The following DTNBP1 variants were observed in gnomAD, a reference collection of about 807,000 sequenced individuals.
DTNBP1 encodes dysbindin.
A neutral mutation model predicts 42.8 loss-of-function variants in DTNBP1; 35 were observed. The observed-to-expected ratio is 0.82, with a 90% CI of 0.63 to 1.09. The LOEUF (loss-of-function observed/expected upper bound fraction) is 1.09, where lower values mean the gene tolerates loss of function less well. Ranked by LOEUF, DTNBP1 falls within the 50% of genes least tolerant of loss-of-function variation. The probability of loss-of-function intolerance (pLI) is 0.00; values close to 1 mark genes in which losing one functional copy is unlikely to be tolerated. For synonymous variants in DTNBP1, 171 were observed against 162.2 expected (o/e 1.05, Z -0.41); for missense variants, 457 against 424.2 (o/e 1.08, Z -0.68).
chr6:15,537,640 G>C (rs945547426), intron 7 of DTNBP1, among the ~76,000 whole-genome samples: 3 of 152,108 alleles, frequency 2.0e-5, no homozygotes, highest in African/African-American at 7.2e-5. Flanking sequence ...TTGGATCATG[G>C]AGGCAGTTTC....
At chr6:15,588,108 G>A (rs530168405) in intron 7 of DTNBP1, among the ~76,000 whole-genome samples, 1 of 152,310 alleles carries the variant, frequency 6.6e-6, no homozygotes, top group African/African-American at 2.4e-5. Context: ...CAGCTGCTGA[G>A]TGGATAAACA....
At chr6:15,542,009 T>C (rs961092487) in intron 7 of DTNBP1, among the ~76,000 whole-genome samples, 4 of 152,174 alleles carry the variant, frequency 2.6e-5, no homozygotes, top group African/African-American at 9.7e-5. Flanking sequence ...ACTTACTACA[T>C]ATGAATTGAG....
chr6:15,654,049 A>G (rs1761155710), intron 1 of DTNBP1, among the ~76,000 whole-genome samples: 1 of 152,218 alleles, frequency 6.6e-6, no homozygotes, highest in African/African-American at 2.4e-5. Flanking sequence ...CCAAATTAGA[A>G]TGCCAATGTC....
intron 4 of DTNBP1, among the ~76,000 whole-genome samples, chr6:15,633,216 G>A (rs1759794833): frequency 6.6e-6 from 1 of 152,170 alleles, no homozygotes. Context: ...CATCCATTCT[G>A]TAGCCTGTGA....
rs572926756 is a variant in DTNBP1 at position 15,641,985 on chromosome 6, G to A, written c.162-4181C>T. Reference sequence around the variant, plus strand: ...TCCTGCATCCCCCTACACTGTTGCTGATGCAGCAGTGTTCTCTCTGCCAGG... The same window carrying A: ...TCCTGCATCCCCCTACACTGTTGCTAATGCAGCAGTGTTCTCTCTGCCAGG... On this transcript the variant is annotated intron_variant, in intron 3 of 9. Transcript: ENST00000344537. Among the ~76,000 whole-genome samples, 5 of 152,310 alleles carry A rather than the reference G, an allele frequency of 3.3e-5. No individual in the cohort carries two copies. In the East Asian group the frequency reaches 9.7e-4, roughly 29 times the overall value.
chr6:15,528,552 A>G (rs1462372029), intron 8 of DTNBP1, among the ~76,000 whole-genome samples: 2 of 152,220 alleles, frequency 1.3e-5, no homozygotes, highest in African/African-American at 2.4e-5. Context: ...AGAGGCTTGA[A>G]GATTCCTGAA....
intron 7 of DTNBP1, among the ~76,000 whole-genome samples, chr6:15,591,747 C>T (rs924024618): frequency 1.3e-5 from 2 of 152,172 alleles, no homozygotes; most frequent in African/African-American, 2.4e-5. Flanking sequence ...TGACATTTTA[C>T]ATAATCTGTG....
intron 3 of DTNBP1, among the ~76,000 whole-genome samples, chr6:15,645,662 C>A (rs1282264108): frequency 6.6e-6 from 1 of 151,998 alleles, no homozygotes; most frequent in African/African-American, 2.4e-5. Flanking sequence ...TGATTTACCA[C>A]ATAAACAGAG....
At chr6:15,574,945 G>C (rs1047726551) in intron 7 of DTNBP1, among the ~76,000 whole-genome samples, 1 of 152,172 alleles carries the variant, frequency 6.6e-6, no homozygotes, top group Non-Finnish European at 1.5e-5. Flanking sequence ...TGAACAGACA[G>C]TTGAAAACAG....
At chr6:15,567,457 G>GAAACAAACAAAC (rs59351095) in intron 7 of DTNBP1, among the ~76,000 whole-genome samples, 2 of 149,968 alleles carry the variant, frequency 1.3e-5, no homozygotes, top group African/African-American at 4.9e-5. Context: ...TGTCTCTCGG[G>GAAACAAACAAAC]AAACAAACAA....
At chr6:15,629,934 T>G (rs1759588109) in intron 4 of DTNBP1, among the ~76,000 whole-genome samples, 1 of 152,176 alleles carries the variant, frequency 6.6e-6, no homozygotes, top group Non-Finnish European at 1.5e-5. Flanking sequence ...AAAACTGTAC[T>G]GTTACCTATT....
chr6:15,549,211 G>A (rs1433564210), intron 7 of DTNBP1, among the ~76,000 whole-genome samples: 2 of 152,170 alleles, frequency 1.3e-5, no homozygotes, highest in African/African-American at 2.4e-5. Context: ...CTGAGACCGG[G>A]CATGGTGGCT....
intron 9 of DTNBP1, 64 bp downstream of exon 9, chr6:15,524,462 A>G: frequency 1.9e-6 from 3 of 1,613,830 alleles, no homozygotes; most frequent in South Asian, 2.2e-5. Flanking sequence ...CTCACGTCTC[A>G]CCTTTGGAGG....
intron 7 of DTNBP1, among the ~76,000 whole-genome samples, chr6:15,577,635 C>T: frequency 6.6e-6 from 1 of 152,172 alleles, no homozygotes; most frequent in Non-Finnish European, 1.5e-5. Flanking sequence ...AGACTCAAGA[C>T]TGCAGATTTT....
chr6:15,588,181 T>G (rs144763540), intron 7 of DTNBP1, among the ~76,000 whole-genome samples: 1 of 152,236 alleles, frequency 6.6e-6, no homozygotes, highest in African/African-American at 2.4e-5. Flanking sequence ...ATATAGTGAC[T>G]TTTTATTCTA....
At chr6:15,642,227 T>C (rs1324131606) in intron 3 of DTNBP1, among the ~76,000 whole-genome samples, 1 of 152,268 alleles carries the variant, frequency 6.6e-6, no homozygotes, top group Non-Finnish European at 1.5e-5. Flanking sequence ...CCCATTTTGG[T>C]GGCAGCCCTC....
At chr6:15,560,332 T>C (rs1030618143) in intron 7 of DTNBP1, among the ~76,000 whole-genome samples, 1 of 152,128 alleles carries the variant, frequency 6.6e-6, no homozygotes, top group Admixed American at 6.5e-5. Flanking sequence ...TGAGCCTAGT[T>C]ATAACGATTT....
intron 4 of DTNBP1, among the ~76,000 whole-genome samples, chr6:15,630,555 A>G (rs1759633669): frequency 6.6e-6 from 1 of 152,226 alleles, no homozygotes; most frequent in Non-Finnish European, 1.5e-5. Flanking sequence ...AGCCCTAAGT[A>G]TTAACTATTT....
chr6:15,568,825 A>G (rs1413056212), intron 7 of DTNBP1, among the ~76,000 whole-genome samples: 2 of 152,222 alleles, frequency 1.3e-5, no homozygotes, highest in African/African-American at 4.8e-5. Context: ...CATACCAAAT[A>G]CATGTTAATC....
Sources: gnomAD v4.1 joint callset for allele counts (sites outside exome capture counted in the v4.1 genomes callset) on GRCh38, gnomAD v4.1.1 for gene constraint, MANE v1.5 for transcripts, NCBI Gene and HGNC (gene_info 2026-07-23, HGNC 2026-07-21) for gene names.